DAB2: variants seen among roughly 807,000 people sequenced by gnomAD.
The protein encoded by DAB2 is DAB adaptor protein 2.
Under a neutral mutation model 71.6 loss-of-function variants are expected in DAB2, and 28 were observed. The observed-to-expected ratio is 0.39, with a 90% confidence interval of 0.29 to 0.54. The LOEUF (loss-of-function observed/expected upper bound fraction) is 0.54, where lower values mean the gene tolerates loss of function less well. Among genes scored for constraint, DAB2 ranks in the 20% least tolerant of loss-of-function variants. DAB2 has a pLI of 0.68. For synonymous variants in DAB2, 345 were observed against 339.7 expected (o/e 1.02, Z -0.17); for missense variants, 867 against 928.8 (o/e 0.93, Z 0.86).
chr5:39,419,065 C>T (rs761708426), intron 1 of DAB2, among the ~76,000 whole-genome samples: 4 of 152,174 alleles, frequency 2.6e-5, no homozygotes, highest in Non-Finnish European at 4.4e-5. Context: ...TATACTTGTA[C>T]ATCACACCCT....
In DAB2 at chr5:39,383,037, G is replaced by T. The variant is rs371072259; in HGVS notation, c.922C>A (p.Pro308Thr). 249 of 1,613,994 alleles carry T rather than the reference G, an allele frequency of 1.5e-4. No individual in the cohort carries two copies. The highest frequency in any genetic ancestry group is 2.0e-4 in the Non-Finnish European group (236 of 1,180,030). ...DPFTQPDQST[P>T]SSFDSLKSPD... ...GATTTGAGAGAATCAAACGAAGAAG[G>T]TGTCGATTGGTCTGGCTGTGTGAAA... The change falls in exon 10 of 15, where the codon CCT becomes ACT. Residue 308 changes from proline (P) to threonine (T), a missense_variant. By Grantham distance (38) the Pro-to-Thr change is conservative. Transcript: ENST00000320816.
At position 39,377,148 on chromosome 5, in the gene DAB2, C is replaced by A; in HGVS notation, c.1639G>T (p.Gly547Cys). The A allele has an allele frequency of 1.2e-6, 2 of 1,614,058 alleles. No homozygotes were observed. The highest frequency in any genetic ancestry group is 1.7e-6 in the Non-Finnish European group (2 of 1,180,004). Reference protein sequence around the residue: ...PSGFSQPVIFGTSPAVSGWNQ... With the variant: ...PSGFSQPVIFCTSPAVSGWNQ... ...CAACCTGAAACAGCTGGACTTGTAC[C>A]AAAAATGACGGGCTGACTAAAACCT... The change falls in exon 12 of 15, where the codon GGT becomes TGT. Residue 547 changes from glycine (G) to cysteine (C), a missense_variant. Gly to Cys is a radical substitution (Grantham distance 159). This residue lies in a region of DAB2 where 740 missense variants were observed against 734.3 expected (regional missense o/e 1.01). Transcript: ENST00000320816.
chr5:39,402,041 TG>T (rs1755515808), intron 1 of DAB2, among the ~76,000 whole-genome samples: 1 of 152,116 alleles, frequency 6.6e-6, no homozygotes, highest in Admixed American at 6.5e-5. Context: ...TCTTACATGG[TG>T]GCAGACAAGA....
At chr5:39,385,261 G>A (rs1755073689) in intron 9 of DAB2, 1 of 152,138 alleles carries the variant, frequency 6.6e-6, no homozygotes, top group Non-Finnish European at 1.5e-5. Flanking sequence ...AGGATAAAAT[G>A]TATTACAAAA....
At chr5:39,395,470 C>T (rs1561372992) in intron 1 of DAB2, among the ~76,000 whole-genome samples, 1 of 152,122 alleles carries the variant, frequency 6.6e-6, no homozygotes, top group Non-Finnish European at 1.5e-5. Context: ...GAATAACTGT[C>T]GTTTGTTAGA....
intron 1 of DAB2, chr5:39,408,527 T>A (rs1755653562): frequency 6.6e-6 from 1 of 152,208 alleles, no homozygotes; most frequent in Non-Finnish European, 1.5e-5. Flanking sequence ...GCCTTGCTAA[T>A]CCCAGTGGCT....
At chr5:39,418,785 C>T (rs3849768) in intron 1 of DAB2, among the ~76,000 whole-genome samples, 4 of 152,074 alleles carry the variant, frequency 2.6e-5, no homozygotes, top group Non-Finnish European at 5.9e-5. Flanking sequence ...ACAATGAGAA[C>T]AAGACCATTT....
chr5:39,389,842 T>G lies in DAB2; in HGVS notation c.543+10A>C. 1.4e-6 allele frequency: 2 copies of G among 1,440,388 alleles called. No individual in the cohort carries two copies. The highest frequency in any genetic ancestry group is 9.7e-7 in the Non-Finnish European group (1 of 1,033,556). The allele number at this position is 1,440,388 out of a possible 1,614,324, so 89.2% of individuals were successfully genotyped here. A position where few individuals can be genotyped will look rare whatever the true frequency, so the allele number is the denominator to read the frequency against. On this transcript the variant is annotated intron_variant, in intron 6 of 14. Transcript: ENST00000320816. ...TAAATTTAATAGAGCCTTAATCAGG[T>G]AGTACTTGCCTTTTTCTTTTCTTCT...
chr5:39,392,560 G>A, intron 3 of DAB2, 97 bp from the exon 4 acceptor site: 2 of 849,816 alleles, frequency 2.4e-6, no homozygotes, highest in Middle Eastern at 2.3e-4. Flanking sequence ...CTTTGTTTTC[G>A]ACTTGATCTG....
chr5:39,387,408 A>G (rs756770109), intron 9 of DAB2, among the ~76,000 whole-genome samples: 1 of 152,150 alleles, frequency 6.6e-6, no homozygotes, highest in Non-Finnish European at 1.5e-5. Flanking sequence ...CATTACCTGA[A>G]TCTGAACTAG....
intron 1 of DAB2, among the ~76,000 whole-genome samples, chr5:39,397,774 C>T (rs1368200069): frequency 6.6e-6 from 1 of 152,128 alleles, no homozygotes; most frequent in African/African-American, 2.4e-5. Flanking sequence ...TCCTTATATG[C>T]TTTTAAAAAC....
intron 5 of DAB2, among the ~76,000 whole-genome samples, 184 bp from the exon 6 acceptor site, chr5:39,390,116 A>T (rs1755191680): frequency 6.6e-6 from 1 of 152,122 alleles, no homozygotes; most frequent in Non-Finnish European, 1.5e-5. Flanking sequence ...AAAAGACAGC[A>T]GGGTTAATAA....
Position 39,390,481 on chromosome 5 carries a change from C to G in DAB2, c.425G>C (p.Gly142Ala). The G allele has an allele frequency of 6.8e-6, 11 of 1,614,068 alleles. No individual in the cohort carries two copies. Among genetic ancestry groups the G allele is most frequent in the Non-Finnish European group, 9.3e-6 (11 of 1,179,978 alleles). The change falls in exon 5 of 15, where the codon GGC (glycine) becomes GCC (alanine). Residue 142 changes from glycine (G) to alanine (A), a missense_variant. By Grantham distance (60) the Gly-to-Ala change is moderately conservative. Coordinates refer to ENST00000320816, the MANE Select transcript of DAB2 (RefSeq NM_001343.4). ...RAFGYVCGGE[G>A]QHQFFAIKTG... ...TTTTATGGCAAAAAACTGATGCTGG[C>G]CTTCTCCTCCACACACGTAACCAAA... is the stretch of plus-strand genomic sequence containing the variant.
At chr5:39,404,507 T>A (rs1755570440) in intron 1 of DAB2, among the ~76,000 whole-genome samples, 1 of 149,254 alleles carries the variant, frequency 6.7e-6, no homozygotes, top group Non-Finnish European at 1.5e-5. Context: ...TAAAGAACGT[T>A]TAGAAGAGTT....
intron 6 of DAB2, among the ~76,000 whole-genome samples, 166 bp from the exon 7 acceptor site, chr5:39,389,289 G>A (rs1237973854): frequency 1.3e-5 from 2 of 152,078 alleles, no homozygotes; most frequent in African/African-American, 4.8e-5. Context: ...TAAGGTTTGA[G>A]TAGAGTTACT....
intron 1 of DAB2, chr5:39,408,457 G>C (rs1204811628): frequency 6.6e-6 from 1 of 152,144 alleles, no homozygotes; most frequent in East Asian, 1.9e-4. Context: ...ATCTATTCGA[G>C]TTGGGGAAGA....
At chr5:39,399,848 CTAGGCTTTA>C (rs1252926775) in intron 1 of DAB2, among the ~76,000 whole-genome samples, 1 of 152,176 alleles carries the variant, frequency 6.6e-6, no homozygotes, top group Admixed American at 6.5e-5. Flanking sequence ...AATGATTAGT[CTAGGCTTTA>C]TAGGGGTAAA....
chr5:39,404,393 A>AT (rs1377434061), intron 1 of DAB2, among the ~76,000 whole-genome samples: 1 of 148,602 alleles, frequency 6.7e-6, no homozygotes, highest in Non-Finnish European at 1.5e-5. Flanking sequence ...TTAAAGTATA[A>AT]TAAAAAAAAA....
chr5:39,423,230 G>A (rs1756029052), intron 1 of DAB2, among the ~76,000 whole-genome samples: 2 of 63,126 alleles, frequency 3.2e-5, no homozygotes, highest in Non-Finnish European at 6.8e-5. Context: ...GGCCTTAGGA[G>A]GAAACTGACT....
Sources: allele counts gnomAD v4.1 joint callset (sites outside exome capture counted in the v4.1 genomes callset), GRCh38; gene constraint gnomAD v4.1.1; regional missense constraint gnomAD v4.1.1; transcripts MANE v1.5; gene names NCBI Gene and HGNC (gene_info 2026-07-23, HGNC 2026-07-21).